The following MAP7D2 variants were observed in gnomAD, a reference collection of about 807,000 sequenced individuals.
MAP7D2 encodes MAP7 domain-containing protein 2.
MAP7D2 carries 33 observed loss-of-function variants against 63.5 expected under a neutral mutation model. The observed-to-expected ratio is 0.52, with a 90% CI of 0.39 to 0.70. The LOEUF (loss-of-function observed/expected upper bound fraction) is 0.70, where lower values mean the gene tolerates loss of function less well. MAP7D2 is among the 30% of genes least tolerant of loss of function. The pLI is 0.00. For missense variants in MAP7D2, 626 were observed against 604.0 expected, an observed-to-expected ratio of 1.04 and a Z score of -0.38; for synonymous variants, 224 against 223.7, an observed-to-expected ratio of 1.00 and a Z score of -0.01.
At chrX:20,059,184 G>T (rs1449148772) in intron 3 of MAP7D2, among the ~76,000 whole-genome samples, 1 of 112,309 alleles carries the variant, frequency 8.9e-6, no homozygotes, top group Non-Finnish European at 1.9e-5. Context: ...TTCTTATCAG[G>T]ACCATTTAGA....
At chrX:20,053,769 G>A (rs182678505) in intron 4 of MAP7D2, among the ~76,000 whole-genome samples, 50 of 111,975 alleles carry the variant, frequency 4.5e-4, no homozygotes, top group African/African-American at 1.5e-3. Flanking sequence ...CTACTCCTCT[G>A]CTCATCGTGT....
intron 4 of MAP7D2, among the ~76,000 whole-genome samples, chrX:20,055,192 C>A (rs761485354): frequency 4.3e-4 from 48 of 110,584 alleles, no homozygotes; most frequent in African/African-American, 1.5e-3. Context: ...TTTCCCAGGC[C>A]TGTATACAAA....
chrX:20,072,955 C>T (rs1490127727), intron 1 of MAP7D2, among the ~76,000 whole-genome samples: 2 of 111,181 alleles, frequency 1.8e-5, no homozygotes, highest in African/African-American at 3.3e-5. Flanking sequence ...CACAACATTG[C>T]GAATGTACAA....
chrX:20,054,739 A>C (rs1471719765), intron 4 of MAP7D2, among the ~76,000 whole-genome samples: 1 of 110,282 alleles, frequency 9.1e-6, no homozygotes, highest in Non-Finnish European at 1.9e-5. Flanking sequence ...CCGCCACCAC[A>C]CTTGACTAAT....
In MAP7D2 at chrX:20,010,859, G is replaced by A. The variant is rs781750615; in HGVS notation, c.2266C>T (p.Leu756Phe). 2.5e-6 allele frequency: 3 copies of A among 1,210,719 alleles called. No homozygotes were observed. The highest frequency in any genetic ancestry group is 2.2e-6 in the Non-Finnish European group (2 of 895,116). ...NLSLDDCNKN[L>F]IEGFNSPGQE... Reference sequence around the variant, plus strand: ...CCAGGACTGTTAAATCCTTCGATAAGGTTTTTGTTACAGTCGTCCAGGCTG... The same window carrying A: ...CCAGGACTGTTAAATCCTTCGATAAAGTTTTTGTTACAGTCGTCCAGGCTG... The change falls in exon 16 of 17, where the codon CTT (leucine) becomes TTT (phenylalanine). Residue 756 changes from leucine to phenylalanine, a missense_variant. By Grantham distance (22) the Leu-to-Phe change is conservative. Coordinates refer to ENST00000379643, the MANE Select transcript of MAP7D2 (RefSeq NM_001168465.2).
In MAP7D2 at chrX:20,015,339, A is replaced by G; in HGVS notation, c.1645-12T>C. ...TCTGCTGCTTCTTTCTAACAGAAAC[A>G]GGTAAATCAAGGCAAAGCTTTAATA... On this transcript the variant is annotated splice_polypyrimidine_tract_variant and intron_variant, in intron 11 of 16. Coordinates refer to ENST00000379643, the MANE Select transcript of MAP7D2 (RefSeq NM_001168465.2). 1 of 1,160,238 alleles carries G rather than the reference A, an allele frequency of 8.6e-7. No homozygotes were observed. The highest frequency in any genetic ancestry group is 1.2e-6 in the Non-Finnish European group (1 of 849,686).
intron 1 of MAP7D2, among the ~76,000 whole-genome samples, chrX:20,073,532 CTT>C (rs1335817629): frequency 6.3e-5 from 6 of 94,955 alleles, no homozygotes; most frequent in Non-Finnish European, 4.3e-5. Flanking sequence ...CTTTTCTTTT[CTT>C]TTTTTTTTTT....
rs754741955 is a variant in MAP7D2 at position 20,115,176 on chromosome X, C to T, written c.130+1574G>A. Among the ~76,000 whole-genome samples the T allele has an allele frequency of 1.3e-4, 14 of 104,826 alleles. No homozygotes were observed. The South Asian group carries it at 6.1e-3, about 45-fold the overall frequency. The allele number at this position is 104,826 out of a possible 115,157, so 91.0% of individuals were successfully genotyped here. A position where few individuals can be genotyped will look rare whatever the true frequency, so the allele number is the denominator to read the frequency against. On this transcript the variant is annotated intron_variant, in intron 1 of 16. Transcript: ENST00000379643. Reference sequence around the variant, plus strand: ...AAATGATTCTACAATAGTTTCCAAACAGAACTTATTAAGAATCTCCCCCGC... The same window carrying T: ...AAATGATTCTACAATAGTTTCCAAATAGAACTTATTAAGAATCTCCCCCGC...
At chrX:20,104,532 C>T (rs750469423) in intron 1 of MAP7D2, among the ~76,000 whole-genome samples, 12 of 112,285 alleles carry the variant, frequency 1.1e-4, no homozygotes, top group South Asian at 3.7e-4. Flanking sequence ...AACTCCTGAC[C>T]TCAGGTGATC....
At position 20,041,900 on chromosome X, in the gene MAP7D2, T is replaced by C. The variant is rs192441834; in HGVS notation, c.1007+602A>G. ...TTAGGCATGGTGGTGTTATGGTGCA[T>C]GGGCATAGTGGTCCCAGCTACTTGG... On this transcript the variant is annotated intron_variant, in intron 8 of 16. Transcript: ENST00000379643. Among the ~76,000 whole-genome samples the C allele has an allele frequency of 3.6e-5, 4 of 111,580 alleles. No homozygotes were observed. The Admixed American group carries it at 3.8e-4, about 11-fold the overall frequency.
intron 1 of MAP7D2, among the ~76,000 whole-genome samples, chrX:20,071,208 C>A (rs1000773264): frequency 1.8e-5 from 2 of 112,223 alleles, no homozygotes; most frequent in African/African-American, 6.5e-5. Context: ...CTTGGTTGCA[C>A]TGTGATGATC....
At chrX:20,050,981 C>A in intron 5 of MAP7D2, 35 bp from the exon 6 acceptor site, 2 of 1,087,299 alleles carry the variant, frequency 1.8e-6, no homozygotes, top group Admixed American at 3.6e-5. Context: ...TTTTAAAAAG[C>A]AAAATTAAAA....
chrX:20,039,421 A>G (rs2064587573), intron 8 of MAP7D2, among the ~76,000 whole-genome samples: 1 of 112,229 alleles, frequency 8.9e-6, no homozygotes, highest in Non-Finnish European at 1.9e-5. Flanking sequence ...GGGGATTGGT[A>G]TGCTTCCAGT....
chrX:20,088,600 C>T (rs2065984774), intron 1 of MAP7D2, among the ~76,000 whole-genome samples: 1 of 101,969 alleles, frequency 9.8e-6, no homozygotes, highest in South Asian at 5.3e-4. Context: ...GTTGGGATTA[C>T]AGGTGTGAGT....
At position 20,049,319 on chromosome X, in the gene MAP7D2, T is replaced by C. The variant is rs2064883828; in HGVS notation, c.718+1505A>G. ...TGGAGTCTCGCTGTGTCACCCAAGC[T>C]GGAGTACAGTGGTGCAATCTCGGCT... On this transcript the variant is annotated intron_variant, in intron 6 of 16. Coordinates refer to ENST00000379643, the MANE Select transcript of MAP7D2 (RefSeq NM_001168465.2). Among the ~76,000 whole-genome samples the C allele has an allele frequency of 1.1e-4, 11 of 103,335 alleles. No homozygotes were observed. The Admixed American group carries it at 1.2e-3, about 11-fold the overall frequency. The allele number at this position is 103,335 out of a possible 115,157, so 89.7% of individuals were successfully genotyped here. A position where few individuals can be genotyped will look rare whatever the true frequency, so the allele number is the denominator to read the frequency against.
rs143206669 is a variant in MAP7D2, at chrX:20,057,590, G to C, written c.373-799C>G. On this transcript the variant is annotated intron_variant, in intron 3 of 16. Transcript: ENST00000379643. ...AAGTTGTCCTTGCTGCTGCAGTGAA[G>C]GTGCTCTAATTCTGCACTCCCCACC... Among the ~76,000 whole-genome samples the C allele has an allele frequency of 1.7e-3, 194 of 111,639 alleles. 4 individuals carry two copies. In the East Asian group the frequency reaches 0.042, roughly 24 times the overall value.
chrX:20,063,164 G>A (rs2065263721), intron 3 of MAP7D2, among the ~76,000 whole-genome samples: 1 of 112,240 alleles, frequency 8.9e-6, no homozygotes, highest in South Asian at 3.7e-4. Context: ...TCAAGGCCCA[G>A]AGAAGCCAAC....
At chrX:20,108,345 G>A (rs1201105417) in intron 1 of MAP7D2, among the ~76,000 whole-genome samples, 1 of 108,907 alleles carries the variant, frequency 9.2e-6, no homozygotes, top group African/African-American at 3.4e-5. Context: ...AGCGATTCTC[G>A]TGCCGCCGCT....
chrX:20,033,201 A>G (rs1442463338), intron 8 of MAP7D2, among the ~76,000 whole-genome samples: 3 of 112,729 alleles, frequency 2.7e-5, no homozygotes, highest in Non-Finnish European at 5.6e-5. Flanking sequence ...AGAACTGTGA[A>G]AATGAATAAT....
Sources: gnomAD v4.1 joint callset for allele counts (sites outside exome capture counted in the v4.1 genomes callset) on GRCh38, gnomAD v4.1.1 for gene constraint, MANE v1.5 for transcripts, NCBI Gene and HGNC (gene_info 2026-07-23, HGNC 2026-07-21) for gene names.